PTAR1: variants seen among roughly 807,000 people sequenced by gnomAD.
PTAR1 encodes protein prenyltransferase alpha subunit repeat-containing protein 1.
A neutral mutation model predicts 45.5 loss-of-function variants in PTAR1; 17 were observed. The observed-to-expected ratio is 0.37, with a 90% CI of 0.26 to 0.56. The LOEUF (loss-of-function observed/expected upper bound fraction) is 0.56, where lower values mean the gene tolerates loss of function less well. Among genes scored for constraint, PTAR1 ranks in the 20% least tolerant of loss-of-function variants. PTAR1 has a pLI of 0.77. For synonymous variants in PTAR1, 169 were observed against 171.3 expected (o/e 0.99, Z 0.11); for missense variants, 391 against 476.3 (o/e 0.82, Z 1.67).
intron 1 of PTAR1, among the ~76,000 whole-genome samples, chr9:69,752,310 A>G (rs1826569403): frequency 6.6e-6 from 1 of 152,112 alleles, no homozygotes; most frequent in Non-Finnish European, 1.5e-5. Flanking sequence ...CCACTATCAC[A>G]AATTGGTAGG....
chr9:69,741,688 TA>T, intron 3 of PTAR1, 103 bp downstream of exon 3: 1 of 736,494 alleles, frequency 1.4e-6, no homozygotes, highest in Non-Finnish European at 2.4e-6. Context: ...GAAATAAGTG[TA>T]AAATGGTTTA....
chr9:69,728,551 T>A (rs1271754078), intron 5 of PTAR1, among the ~76,000 whole-genome samples: 1 of 152,210 alleles, frequency 6.6e-6, no homozygotes, highest in African/African-American at 2.4e-5. Context: ...CCTGTGGTTT[T>A]GCTTTGCATT....
chr9:69,719,140 T>C (rs915044445), intron 6 of PTAR1, among the ~76,000 whole-genome samples: 1 of 152,302 alleles, frequency 6.6e-6, no homozygotes, highest in African/African-American at 2.4e-5. Context: ...GTGGCCTCTA[T>C]CAAGTACTTT....
intron 1 of PTAR1, among the ~76,000 whole-genome samples, chr9:69,751,946 G>A (rs541248159): frequency 3.9e-5 from 6 of 152,064 alleles, no homozygotes; most frequent in South Asian, 2.1e-4. Flanking sequence ...ACCAGCAAAC[G>A]TAAAAAATTT....
rs1166421875 is a variant in PTAR1 at position 69,710,160 on chromosome 9, A to C, written c.*8182T>G. 3.9e-5 allele frequency: 6 copies of C among 152,148 alleles called. No homozygotes were observed. Among genetic ancestry groups the C allele is most frequent in the Admixed American group, 3.9e-4 (6 of 15,262 alleles). 9.4% of individuals were successfully genotyped at this position (152,148 alleles called of 1,614,324 possible). A position where few individuals can be genotyped will look rare whatever the true frequency, so the allele number is the denominator to read the frequency against. ...TCTATGAATCTGTACTGTCCAGTAT[A>C]GTAGCCCTTAGCCATATGTGACTAC... is the stretch of plus-strand genomic sequence containing the variant. On this transcript the variant is annotated 3_prime_UTR_variant, in exon 8 of 8. Transcript: ENST00000340434.
chr9:69,751,094 A>C (rs1020274975), intron 1 of PTAR1, 144 bp from the exon 2 acceptor site: 1 of 634,984 alleles, frequency 1.6e-6, no homozygotes, highest in Non-Finnish European at 2.7e-6. Context: ...GGATTGGTAG[A>C]TGCTAATAGT....
At chr9:69,734,382 G>A (rs909338670) in intron 3 of PTAR1, 128 bp from the exon 4 acceptor site, 2 of 391,744 alleles carry the variant, frequency 5.1e-6, no homozygotes, top group South Asian at 1.1e-4. Context: ...AACAAAAAAA[G>A]AAAGAAAAAA....
At chr9:69,734,556 A>G (rs978878902) in intron 3 of PTAR1, among the ~76,000 whole-genome samples, 1 of 152,142 alleles carries the variant, frequency 6.6e-6, no homozygotes, top group Admixed American at 6.6e-5. Context: ...GTGAGGGTAA[A>G]TGGGGTTTTC....
At chr9:69,730,534 C>T (rs981196506) in intron 5 of PTAR1, among the ~76,000 whole-genome samples, 1 of 150,526 alleles carries the variant, frequency 6.6e-6, no homozygotes, top group African/African-American at 2.5e-5. Context: ...CCACCAAGCA[C>T]TCCATATCCC....
At chr9:69,753,777 G>T (rs1379881184) in intron 1 of PTAR1, among the ~76,000 whole-genome samples, 2 of 152,204 alleles carry the variant, frequency 1.3e-5, no homozygotes, top group African/African-American at 4.8e-5. Context: ...TACTTGATTG[G>T]AAGTCCAGAG....
At position 69,711,748 on chromosome 9, in the gene PTAR1, T is replaced by C. The variant is rs377037653; in HGVS notation, c.*6594A>G. The C allele has an allele frequency of 6.8e-4, 104 of 152,298 alleles. No individual in the cohort carries two copies. The highest frequency in any genetic ancestry group is 2.3e-3 in the African/African-American group (94 of 41,588). The allele number at this position is 152,298 out of a possible 1,614,324, so 9.4% of individuals were successfully genotyped here. Reference sequence around the variant, plus strand: ...CTTAATCTTTCACATCTCCTATCTTTCAACTATGTTCTGTATAAATAATAC... The same window carrying C: ...CTTAATCTTTCACATCTCCTATCTTCCAACTATGTTCTGTATAAATAATAC... On this transcript the variant is annotated 3_prime_UTR_variant, in exon 8 of 8. Transcript: ENST00000340434.
chr9:69,728,292 C>T (rs1361486090), intron 5 of PTAR1, among the ~76,000 whole-genome samples: 1 of 151,970 alleles, frequency 6.6e-6, no homozygotes, highest in Non-Finnish European at 1.5e-5. Context: ...GGGTATATAC[C>T]TAGGAGCAGA....
chr9:69,718,649 CCATTTAAGT>C lies in PTAR1; in HGVS notation c.974_982del (p.His325_Ala328delinsPro). ...CTGGGTCATGCTGTGAGGAAACCTA[CCATTTAAGT>C]GATGCTGAAGGTAGAAAATATGCCG... On this transcript the variant is annotated inframe_deletion and splice_region_variant, in exon 7 of 8. Transcript: ENST00000340434. 1 of 1,600,800 alleles carries C rather than the reference CCATTTAAGT, an allele frequency of 6.2e-7. No homozygotes were observed. The highest frequency in any genetic ancestry group is 8.5e-7 in the Non-Finnish European group (1 of 1,172,410).
chr9:69,760,007 A>T lies in PTAR1; in HGVS notation c.-69T>A. On this transcript the variant is annotated 5_prime_UTR_variant, in exon 1 of 8. Transcript: ENST00000340434. ...CGGGCCGCCGGCGGGAGTTCCGCGG[A>T]GAACGAGCGCGCGCGCGCGCGCGCG... 7.9e-7 allele frequency: 1 copy of T among 1,264,416 alleles called. No individual in the cohort carries two copies. The highest frequency in any genetic ancestry group is 1.0e-6 in the Non-Finnish European group (1 of 999,956). 78.3% of individuals were successfully genotyped at this position (1,264,416 alleles called of 1,614,324 possible).
chr9:69,722,525 G>A (rs1189124061), intron 6 of PTAR1, among the ~76,000 whole-genome samples: 1 of 152,022 alleles, frequency 6.6e-6, no homozygotes, highest in East Asian at 1.9e-4. Flanking sequence ...TTATACTTCA[G>A]GTAAGTTAAT....
At chr9:69,752,242 A>C (rs1403935837) in intron 1 of PTAR1, among the ~76,000 whole-genome samples, 1 of 152,090 alleles carries the variant, frequency 6.6e-6, no homozygotes, top group African/African-American at 2.4e-5. Flanking sequence ...TGATAGACCC[A>C]AAAGAGGGAA....
Position 69,718,120 on chromosome 9 carries a change from C to G in PTAR1, c.*222G>C. 1 of 428,956 alleles carries G rather than the reference C, an allele frequency of 2.3e-6. No homozygotes were observed. The highest frequency in any genetic ancestry group is 4.1e-6 in the Non-Finnish European group (1 of 241,230). The allele number at this position is 428,956 out of a possible 1,614,324, so 26.6% of individuals were successfully genotyped here. On this transcript the variant is annotated 3_prime_UTR_variant, in exon 8 of 8. Transcript: ENST00000340434. Reference sequence around the variant, plus strand: ...GAGAAGTTAAACAGAAAATTTAAGACTCGCTGTTCAGCAGGAAGGAACTAT... The same window carrying G: ...GAGAAGTTAAACAGAAAATTTAAGAGTCGCTGTTCAGCAGGAAGGAACTAT...
intron 1 of PTAR1, chr9:69,758,583 G>A: frequency 3.8e-6 from 1 of 266,230 alleles, no homozygotes; most frequent in Admixed American, 3.5e-5. Flanking sequence ...TGTCAGAGGT[G>A]GCAGGTGTGT....
rs1824622778 is a variant in PTAR1, at chr9:69,713,918, G to A, written c.*4424C>T. 1 of 151,954 alleles carries A rather than the reference G, an allele frequency of 6.6e-6. No individual in the cohort carries two copies. Among genetic ancestry groups the A allele is most frequent in the African/African-American group, 2.4e-5 (1 of 41,362 alleles). 9.4% of individuals were successfully genotyped at this position (151,954 alleles called of 1,614,324 possible). A position where few individuals can be genotyped will look rare whatever the true frequency, so the allele number is the denominator to read the frequency against. On this transcript the variant is annotated 3_prime_UTR_variant, in exon 8 of 8. Transcript: ENST00000340434. ...TAGCGATGGGAATAAATAAAACAAT[G>A]GGCCACAATCAACTGTTTGATAAAA...
Sources: allele counts gnomAD v4.1 joint callset (sites outside exome capture counted in the v4.1 genomes callset), GRCh38; gene constraint gnomAD v4.1.1; transcripts MANE v1.5; gene names NCBI Gene and HGNC (gene_info 2026-07-23, HGNC 2026-07-21).